Variants in CIITA observed in about 807,000 individuals in gnomAD.
The protein encoded by CIITA is MHC class II transactivator.
Under a neutral mutation model 115.1 loss-of-function variants are expected in CIITA, and 72 were observed. The ratio of observed to expected loss-of-function variants is 0.63; its 90% CI spans 0.52 to 0.76. The LOEUF is 0.76. CIITA is among the 30% of genes least tolerant of loss of function. CIITA has a pLI of 0.00. For missense variants in CIITA, 1,617 were observed against 1,463.8 expected, an observed-to-expected ratio of 1.10 and a Z score of -1.71; for synonymous variants, 763 against 635.6, an observed-to-expected ratio of 1.20 and a Z score of -3.02.
At chr16:10,904,877 T>C (rs1472427892) in intron 10 of CIITA, 65 bp downstream of exon 10, 20 of 1,535,718 alleles carry the variant, frequency 1.3e-5, no homozygotes, top group Non-Finnish European at 1.7e-5. Flanking sequence ...GGCTTCACAT[T>C]GCTCATTCAC....
chr16:10,869,416 C>G (rs1015103043), intron 1 of CIITA, among the ~76,000 whole-genome samples: 3 of 152,170 alleles, frequency 2.0e-5, no homozygotes, highest in Non-Finnish European at 4.4e-5. Context: ...TAAATTCCTT[C>G]TATTCTTTGC....
At chr16:10,870,979 T>C (rs755037559) in intron 1 of CIITA, among the ~76,000 whole-genome samples, 1 of 152,188 alleles carries the variant, frequency 6.6e-6, no homozygotes, top group Admixed American at 6.5e-5. Flanking sequence ...GCTGAGTGCT[T>C]GGGTACTGTG....
intron 1 of CIITA, chr16:10,866,374 A>C (rs746003941): frequency 5.3e-6 from 3 of 567,558 alleles, no homozygotes; most frequent in South Asian, 4.2e-5. Flanking sequence ...CCTCTTGGAC[A>C]ACCTGCTGAA....
At chr16:10,899,973 C>T (rs569554921) in intron 5 of CIITA, among the ~76,000 whole-genome samples, 3 of 151,964 alleles carry the variant, frequency 2.0e-5, no homozygotes, top group Admixed American at 6.6e-5. Context: ...CCCAGCTACT[C>T]GGGAGGCTGA....
chr16:10,904,708 T>G, intron 9 of CIITA, 36 bp from the exon 10 acceptor site: 1 of 1,613,298 alleles, frequency 6.2e-7, no homozygotes, highest in Non-Finnish European at 8.5e-7. Context: ...GGGGTAACCC[T>G]CACCCTAAAT....
chr16:10,866,983 C>T (rs774257005), intron 1 of CIITA, among the ~76,000 whole-genome samples: 8 of 152,150 alleles, frequency 5.3e-5, no homozygotes, highest in South Asian at 2.1e-4. Flanking sequence ...CACTGGCTCA[C>T]GCCTGTAATC....
rs866050153 is a variant in CIITA, at chr16:10,907,044, G to C, written c.1552G>C (p.Ala518Pro). 1.2e-6 allele frequency: 2 copies of C among 1,607,416 alleles called. No homozygotes were observed. The highest frequency in any genetic ancestry group is 2.7e-5 in the African/African-American group (2 of 75,042). ...DGFLHSTCGPAPAEPCSLRGL... is the reference protein window; with the variant it reads ...DGFLHSTCGPPPAEPCSLRGL... The stretch of plus-strand genomic sequence containing the variant: ...CTTCCTGCACAGCACGTGCGGACCG[G>C]CACCGGCGGAGCCCTGCTCCCTCCG... Residue 518 changes from alanine to proline, a missense_variant, in exon 11 of 20, where the codon GCA (alanine) becomes CCA (proline). Physicochemically the swap from Ala to Pro is conservative, Grantham distance 27. Transcript: ENST00000324288. This position sits in a 1 kb window ranked among gnomAD's most constrained non-coding sequence, Gnocchi z 5.0.
intron 16 of CIITA, among the ~76,000 whole-genome samples, chr16:10,919,503 C>CTTATTTATTTATTTATTTAT (rs55706326): frequency 7.4e-4 from 111 of 149,318 alleles, no homozygotes; most frequent in East Asian, 5.8e-3. Flanking sequence ...GCCCGGCCAA[C>CTTATTTATTTATTTATTTAT]TTATTTATTT....
At chr16:10,898,055 G>T (rs2038315726) in intron 3 of CIITA, among the ~76,000 whole-genome samples, 2 of 152,084 alleles carry the variant, frequency 1.3e-5, no homozygotes, top group African/African-American at 4.8e-5. Context: ...ATCTTTCAAG[G>T]CCTGGTTCCA....
rs547114135 is a variant in CIITA at position 10,936,156 on chromosome 16, A to AT, written c.*12311dup. 38 of 148,812 alleles carry AT rather than the reference A, an allele frequency of 2.6e-4. No homozygotes were observed. The highest frequency in any genetic ancestry group is 4.6e-4 in the Non-Finnish European group (31 of 67,030). 9.2% of individuals were successfully genotyped at this position (148,812 alleles called of 1,614,324 possible). On this transcript the variant is annotated 3_prime_UTR_variant, in exon 20 of 20. Transcript: ENST00000324288. ...TGGGCGTGTACCACAACACCTCGCT[A>AT]TTTTTTTTTTCCTACTTTTTGTAGA...
chr16:10,922,189 G>C lies in CIITA; in HGVS notation c.3172G>C (p.Asp1058His). ...RLSLYNNCICDVGAESLARVL... is the reference protein window; with the variant it reads ...RLSLYNNCICHVGAESLARVL... ...CAGCTTGTACAATAACTGCATCTGC[G>C]ACGTGGGAGCCGAGAGCTTGGCTCG... Residue 1058 changes from aspartate (D) to histidine (H), a missense_variant, in exon 17 of 20, where the codon GAC (aspartate) becomes CAC (histidine). Asp to His is a moderately conservative substitution (Grantham distance 81). Transcript: ENST00000324288. The C allele has an allele frequency of 1.9e-6, 3 of 1,614,226 alleles. No individual in the cohort carries two copies. Among genetic ancestry groups the C allele is most frequent in the Non-Finnish European group, 2.5e-6 (3 of 1,180,048 alleles).
At chr16:10,892,259 G>T (rs533788338) in intron 1 of CIITA, among the ~76,000 whole-genome samples, 3 of 152,090 alleles carry the variant, frequency 2.0e-5, no homozygotes, top group African/African-American at 4.8e-5. Context: ...GGGAGGCAGA[G>T]GTTGCAGTGA....
chr16:10,917,722 C>T (rs9788919), intron 15 of CIITA, among the ~76,000 whole-genome samples: 21,509 of 152,030 alleles, frequency 0.14, 1,836 homozygotes, highest in Admixed American at 0.27. Context: ...TCAAGTGATC[C>T]GCCCACCTCA....
rs2040949839 is a variant in CIITA, at chr16:10,934,659, T to C, written c.*10804T>C. 1 of 152,198 alleles carries C rather than the reference T, an allele frequency of 6.6e-6. No individual in the cohort carries two copies. The highest frequency in any genetic ancestry group is 1.5e-5 in the Non-Finnish European group (1 of 68,038). 9.4% of individuals were successfully genotyped at this position (152,198 alleles called of 1,614,324 possible). A position where few individuals can be genotyped will look rare whatever the true frequency, so the allele number is the denominator to read the frequency against. On this transcript the variant is annotated 3_prime_UTR_variant, in exon 20 of 20. Transcript: ENST00000324288. This position sits in a 1 kb window ranked among gnomAD's most constrained non-coding sequence, Gnocchi z 4.2. ...CTCCCTGGTCTAATGGAACCCTCCT[T>C]GGCGGCTTCACAGGGTGATGCTTGG...
At position 10,927,317 on chromosome 16, in the gene CIITA, C is replaced by G. The variant is rs1164963612; in HGVS notation, c.*3462C>G. 1 of 152,280 alleles carries G rather than the reference C, an allele frequency of 6.6e-6. No individual in the cohort carries two copies. The highest frequency in any genetic ancestry group is 1.5e-5 in the Non-Finnish European group (1 of 68,068). The allele number at this position is 152,280 out of a possible 1,614,324, so 9.4% of individuals were successfully genotyped here. On this transcript the variant is annotated 3_prime_UTR_variant, in exon 20 of 20. Transcript: ENST00000324288. ...CTTTTTCACTTATTTATGCAGTCTG[C>G]TCTTGTCCTAGGACATGAGCTCCAG...
intron 3 of CIITA, among the ~76,000 whole-genome samples, chr16:10,898,432 G>T (rs970661783): frequency 2.0e-5 from 3 of 151,878 alleles, no homozygotes; most frequent in African/African-American, 7.3e-5. Context: ...ATTCTGCCTT[G>T]CTCTTCTTTG....
intron 1 of CIITA, among the ~76,000 whole-genome samples, chr16:10,889,655 G>A (rs756140705): frequency 1.3e-5 from 2 of 152,026 alleles, no homozygotes; most frequent in Non-Finnish European, 2.9e-5. Flanking sequence ...AAGTAGCTGG[G>A]ATTACAGAAG....
At chr16:10,939,552 C>T (rs964487078), downstream of CIITA, 1 of 152,234 alleles carries the variant, frequency 6.6e-6, no homozygotes, top group Non-Finnish European at 1.5e-5. The surrounding 1 kb of genome is among the most constrained non-coding windows in gnomAD (Gnocchi z 4.9). Context: ...CCACTGATTC[C>T]CTCAGCCTGG....
At chr16:10,870,229 C>T (rs1041449140) in intron 1 of CIITA, among the ~76,000 whole-genome samples, 5 of 148,050 alleles carry the variant, frequency 3.4e-5, no homozygotes, top group African/African-American at 1.3e-4. Flanking sequence ...CTAAACAACC[C>T]AAGGGGCTAC....
Sources: allele counts gnomAD v4.1 joint callset (sites outside exome capture counted in the v4.1 genomes callset), GRCh38; gene constraint gnomAD v4.1.1; non-coding constraint Gnocchi (gnomAD v3.1); transcripts MANE v1.5; gene names NCBI Gene and HGNC (gene_info 2026-07-23, HGNC 2026-07-21).